Variants in DPYD observed in about 807,000 individuals in gnomAD.
DPYD encodes the protein dihydropyrimidine dehydrogenase [NADP(+)].
Under a neutral mutation model 116.2 loss-of-function variants are expected in DPYD, and 109 were observed. The ratio of observed to expected loss-of-function variants is 0.94; its 90% CI spans 0.80 to 1.10. The LOEUF is 1.10. Among genes scored for constraint, DPYD ranks in the 50% least tolerant of loss-of-function variants. The probability of loss-of-function intolerance (pLI) is 0.00; values close to 1 mark genes in which losing one functional copy is unlikely to be tolerated. For synonymous variants in DPYD, 440 were observed against 432.0 expected (o/e 1.02, Z -0.23); for missense variants, 1,302 against 1,254.5 (o/e 1.04, Z -0.57).
chr1:97,552,322 T>C (rs996326203), intron 11 of DPYD, among the ~76,000 whole-genome samples: 7 of 152,158 alleles, frequency 4.6e-5, no homozygotes, highest in African/African-American at 7.2e-5. Flanking sequence ...TCTTGAAGAA[T>C]GTGCTTTACC....
chr1:97,457,380 T>C (rs1676743925), intron 13 of DPYD, among the ~76,000 whole-genome samples: 1 of 152,172 alleles, frequency 6.6e-6, no homozygotes, highest in South Asian at 2.1e-4. Context: ...ATTTTATTTA[T>C]GTCTGACTGA....
At chr1:97,746,115 T>G (rs1281150982) in intron 3 of DPYD, among the ~76,000 whole-genome samples, 1 of 152,098 alleles carries the variant, frequency 6.6e-6, no homozygotes, top group African/African-American at 2.4e-5. Context: ...TACCCAACCT[T>G]AGTAGTCATT....
chr1:97,226,696 T>A lies in DPYD; in HGVS notation c.2442+8156A>T, dbSNP rs545894572. ...GGTGAAAGACCTGTATACTGAAAAT[T>A]ATAAAACATGAATTAAAGAAATTGA... On this transcript the variant is annotated intron_variant, in intron 19 of 22. Coordinates refer to ENST00000370192, the MANE Select transcript of DPYD (RefSeq NM_000110.4). Among the ~76,000 whole-genome samples, 265 of 152,210 alleles carry A rather than the reference T, an allele frequency of 1.7e-3. 2 individuals carry two copies. Among genetic ancestry groups the A allele is most frequent in the African/African-American group, 6.1e-3 (255 of 41,538 alleles).
chr1:97,672,576 T>A (rs952088777), intron 8 of DPYD, among the ~76,000 whole-genome samples: 1 of 152,214 alleles, frequency 6.6e-6, no homozygotes, highest in African/African-American at 2.4e-5. Flanking sequence ...GTTTATTTTT[T>A]AAAATAATCT....
chr1:97,318,231 T>A (rs1425833872), intron 16 of DPYD, among the ~76,000 whole-genome samples: 1 of 141,474 alleles, frequency 7.1e-6, no homozygotes, highest in Non-Finnish European at 1.6e-5. Flanking sequence ...CACATAACAA[T>A]ATTAACTTTA....
chr1:97,893,831 A>G (rs1189006456), intron 1 of DPYD, among the ~76,000 whole-genome samples: 2 of 151,700 alleles, frequency 1.3e-5, no homozygotes, highest in African/African-American at 4.8e-5. Context: ...TTCACTTCTA[A>G]AATACACACC....
chr1:97,404,948 A>C (rs946284445), intron 14 of DPYD, among the ~76,000 whole-genome samples: 1 of 142,726 alleles, frequency 7.0e-6, no homozygotes, highest in Non-Finnish European at 1.5e-5. Context: ...TATCACTTGT[A>C]CTTTTTTTTT....
intron 13 of DPYD, among the ~76,000 whole-genome samples, chr1:97,452,021 G>C (rs1676442667): frequency 6.6e-6 from 1 of 152,010 alleles, no homozygotes. Context: ...GCAAATAATG[G>C]GGCATCTGGT....
chr1:97,353,777 A>G (rs1670272658), intron 16 of DPYD, among the ~76,000 whole-genome samples: 1 of 152,200 alleles, frequency 6.6e-6, no homozygotes, highest in Admixed American at 6.5e-5. Context: ...GTATTTATAT[A>G]GAGGAACTTT....
At chr1:97,347,795 T>C (rs1179943623) in intron 16 of DPYD, among the ~76,000 whole-genome samples, 1 of 152,120 alleles carries the variant, frequency 6.6e-6, no homozygotes. Flanking sequence ...TCTCACACAG[T>C]CTTCATTTTT....
intron 2 of DPYD, chr1:97,856,294 A>G (rs1670840062): frequency 6.6e-6 from 1 of 152,188 alleles, no homozygotes; most frequent in Non-Finnish European, 1.5e-5. Flanking sequence ...AAAATATCCT[A>G]TTTAGACTGT....
rs906516462 is a variant in DPYD, at chr1:97,749,822, T to C, written c.234-9343A>G. ...CATATTCTAGACAGCTGTTACATGATGCTCAATACACTTTTGATCCTTCAC... is the reference window on the plus strand; with the variant it reads ...CATATTCTAGACAGCTGTTACATGACGCTCAATACACTTTTGATCCTTCAC... On this transcript the variant is annotated intron_variant, in intron 3 of 22. Transcript: ENST00000370192. 2.6e-5 allele frequency among the ~76,000 whole-genome samples: 4 copies of C among 152,254 alleles called. No individual in the cohort carries two copies. The East Asian group carries it at 5.8e-4, about 22-fold the overall frequency.
intron 8 of DPYD, among the ~76,000 whole-genome samples, chr1:97,652,492 G>T (rs1290776501): frequency 6.6e-6 from 1 of 152,134 alleles, no homozygotes. Context: ...ACATGGATAT[G>T]GCCCCCTTCC....
At chr1:97,544,362 C>T (rs1170164154) in intron 12 of DPYD, among the ~76,000 whole-genome samples, 1 of 152,162 alleles carries the variant, frequency 6.6e-6, no homozygotes, top group Non-Finnish European at 1.5e-5. Context: ...TACCTTCCAT[C>T]TCTACTCCAT....
intron 14 of DPYD, among the ~76,000 whole-genome samples, chr1:97,384,227 GC>G (rs1164404250): frequency 7.0e-6 from 1 of 142,746 alleles, no homozygotes; most frequent in African/African-American, 2.6e-5. Context: ...ACTACATAGA[GC>G]TTTTTTATTT....
intron 14 of DPYD, among the ~76,000 whole-genome samples, chr1:97,445,135 T>C (rs772413263): frequency 3.9e-5 from 6 of 152,204 alleles, no homozygotes; most frequent in Non-Finnish European, 7.3e-5. Flanking sequence ...AGCTCACTGA[T>C]CACCAGATGC....
chr1:97,225,245 C>T (rs1661061353), intron 19 of DPYD, among the ~76,000 whole-genome samples: 1 of 151,962 alleles, frequency 6.6e-6, no homozygotes, highest in Non-Finnish European at 1.5e-5. Context: ...TTCTTTACAC[C>T]CTCATCAACA....
intron 3 of DPYD, among the ~76,000 whole-genome samples, chr1:97,798,434 TACTC>T (rs1482161534): frequency 1.3e-5 from 2 of 152,032 alleles, no homozygotes; most frequent in Admixed American, 1.3e-4. Flanking sequence ...ATTTATCACT[TACTC>T]AGTGTATGAC....
intron 3 of DPYD, among the ~76,000 whole-genome samples, chr1:97,744,163 T>C (rs775421849): frequency 6.6e-6 from 1 of 152,024 alleles, no homozygotes; most frequent in East Asian, 1.9e-4. Context: ...GGCCAAAAAC[T>C]ATTAAAGATA....
Sources: gnomAD v4.1 joint callset for allele counts (sites outside exome capture counted in the v4.1 genomes callset) on GRCh38, gnomAD v4.1.1 for gene constraint, MANE v1.5 for transcripts, NCBI Gene and HGNC (gene_info 2026-07-23, HGNC 2026-07-21) for gene names.